Variants in ERCC4 observed in about 807,000 individuals in gnomAD.
ERCC4 encodes the protein ERCC excision repair 4, endonuclease catalytic subunit.
ERCC4 carries 65 observed loss-of-function variants against 76.9 expected under a neutral mutation model. The ratio of observed to expected loss-of-function variants is 0.84; its 90% CI spans 0.69 to 1.04. ERCC4 has a LOEUF of 1.04. Ranked by LOEUF, ERCC4 falls within the 50% of genes least tolerant of loss-of-function variation. The pLI, the probability that ERCC4 is intolerant of heterozygous loss-of-function variation, is 0.00. For synonymous variants in ERCC4, 463 were observed against 410.1 expected, an observed-to-expected ratio of 1.13 and a Z score of -1.56; for missense variants, 1,214 against 1,128.2, an observed-to-expected ratio of 1.08 and a Z score of -1.09.
intron 10 of ERCC4, among the ~76,000 whole-genome samples, chr16:13,947,336 A>G (rs1234147064): frequency 1.3e-5 from 2 of 152,218 alleles, no homozygotes; most frequent in Non-Finnish European, 2.9e-5. Context: ...GAAACTACAG[A>G]GGGGAGACCT....
chr16:13,937,086 A>ATTTTT (rs71150154), intron 8 of ERCC4, among the ~76,000 whole-genome samples: 2 of 128,708 alleles, frequency 1.6e-5, no homozygotes, highest in Non-Finnish European at 3.3e-5. Context: ...TGCTCAACTA[A>ATTTTT]TTTTTTTTTT....
chr16:13,920,662 A>T (rs2031955511), intron 1 of ERCC4, among the ~76,000 whole-genome samples: 1 of 152,090 alleles, frequency 6.6e-6, no homozygotes, highest in African/African-American at 2.4e-5. Flanking sequence ...GGTCCCTGGC[A>T]GGAGTTGAAG....
chr16:13,942,233 C>A (rs921370799), intron 9 of ERCC4, among the ~76,000 whole-genome samples: 1 of 152,176 alleles, frequency 6.6e-6, no homozygotes, highest in Non-Finnish European at 1.5e-5. Context: ...AAGAGACTGG[C>A]TGTTTATAAT....
chr16:13,934,859 A>C, intron 7 of ERCC4: 1 of 329,990 alleles, frequency 3.0e-6, no homozygotes, highest in Non-Finnish European at 5.6e-6. Context: ...TCTGGAAAAA[A>C]ATATTAATTA....
At chr16:13,924,549 C>T (rs762649371) in intron 2 of ERCC4, among the ~76,000 whole-genome samples, 1 of 152,150 alleles carries the variant, frequency 6.6e-6, no homozygotes, top group African/African-American at 2.4e-5. Flanking sequence ...TGAAGATAGA[C>T]AGATGAATGG....
intron 8 of ERCC4, 106 bp from the exon 9 acceptor site, chr16:13,937,660 T>G: frequency 2.7e-6 from 2 of 752,090 alleles, no homozygotes; most frequent in Non-Finnish European, 4.8e-6. Flanking sequence ...TAGTCAAATA[T>G]TTGTTATTTG....
intron 6 of ERCC4, 84 bp from the exon 7 acceptor site, chr16:13,934,108 T>C: frequency 2.4e-6 from 2 of 818,794 alleles, no homozygotes; most frequent in Non-Finnish European, 4.1e-6. Context: ...CTGATGCTCG[T>C]GTTATCTGTT....
chr16:13,924,126 C>T (rs1237155613), intron 2 of ERCC4, among the ~76,000 whole-genome samples: 1 of 152,136 alleles, frequency 6.6e-6, no homozygotes, highest in Non-Finnish European at 1.5e-5. Context: ...CTTTTGAATT[C>T]TTTCATCCCC....
chr16:13,926,706 G>T lies in ERCC4; in HGVS notation c.534G>T (p.Val178=), dbSNP rs957009045. ...CCTTTGATACTGGTTTTTGTCATGT[G>T]GAAAGAGTGATGAGAAATCTTTTTG... ...AVAFDTGFCH[V]ERVMRNLFVR... Residue 178 remains valine (V), a synonymous_variant, in exon 3 of 11, where the codon GTG becomes GTT. Transcript: ENST00000311895. 6.2e-7 allele frequency: 1 copy of T among 1,614,074 alleles called. No individual in the cohort carries two copies. Among genetic ancestry groups the T allele is most frequent in the African/African-American group, 1.3e-5 (1 of 75,026 alleles).
At chr16:13,940,778 T>G (rs1342267613) in intron 9 of ERCC4, among the ~76,000 whole-genome samples, 1 of 152,170 alleles carries the variant, frequency 6.6e-6, no homozygotes, top group Admixed American at 6.6e-5. Context: ...GGGAGAATAC[T>G]CCAGGGGCTC....
intron 9 of ERCC4, chr16:13,944,005 G>A (rs2032468620): frequency 6.6e-6 from 1 of 152,406 alleles, no homozygotes; most frequent in Admixed American, 6.5e-5. Flanking sequence ...CCACCTTGAA[G>A]ACAGGAATTC....
At position 13,947,608 on chromosome 16, in the gene ERCC4, C is replaced by A; in HGVS notation, c.2018-6C>A. On this transcript the variant is annotated splice_region_variant and splice_polypyrimidine_tract_variant and intron_variant, in intron 10 of 10. Coordinates refer to ENST00000311895, the MANE Select transcript of ERCC4 (RefSeq NM_005236.3). ...CCCAGTGACATTACTTACTTTTTCT[C>A]TGTAGGTGGCCAGGAACAGAATGGT... 1 of 1,614,078 alleles carries A rather than the reference C, an allele frequency of 6.2e-7. No individual in the cohort carries two copies. Among genetic ancestry groups the A allele is most frequent in the South Asian group, 1.1e-5 (1 of 91,070 alleles).
chr16:13,949,825 T>C lies in ERCC4; in HGVS notation c.*1478T>C, dbSNP rs754423213. 77 of 232,480 alleles carry C rather than the reference T, an allele frequency of 3.3e-4. No individual in the cohort carries two copies. The highest frequency in any genetic ancestry group is 2.6e-3 in the Middle Eastern group (2 of 778). The allele number at this position is 232,480 out of a possible 1,614,324, so 14.4% of individuals were successfully genotyped here. ...AAATTTTCTACCTCAGGAGCTGATA[T>C]AGACATCAGTTCTGCTAGCCATATC... On this transcript the variant is annotated 3_prime_UTR_variant, in exon 11 of 11. Transcript: ENST00000311895.
In ERCC4 at chr16:13,951,288, G is replaced by A. The variant is rs545171920; in HGVS notation, c.*2941G>A. 1.1e-5 allele frequency: 2 copies of A among 190,296 alleles called. No homozygotes were observed. Among genetic ancestry groups the A allele is most frequent in the Non-Finnish European group, 2.2e-5 (2 of 90,726 alleles). 11.8% of individuals were successfully genotyped at this position (190,296 alleles called of 1,614,324 possible). A position where few individuals can be genotyped will look rare whatever the true frequency, so the allele number is the denominator to read the frequency against. ...TTTTTTTCTCTCTAGTAAATATCCA[G>A]TGTACTTATGAACTCATGTTTGGCT... On this transcript the variant is annotated 3_prime_UTR_variant, in exon 11 of 11. Coordinates refer to ENST00000311895, the MANE Select transcript of ERCC4 (RefSeq NM_005236.3).
chr16:13,928,783 G>A (rs1383573543), intron 4 of ERCC4, among the ~76,000 whole-genome samples: 1 of 151,902 alleles, frequency 6.6e-6, no homozygotes, highest in Non-Finnish European at 1.5e-5. Flanking sequence ...TTTCATTATA[G>A]ATTAATATTA....
At chr16:13,931,372 A>T (rs1404273435) in intron 5 of ERCC4, 1 of 165,628 alleles carries the variant, frequency 6.0e-6, no homozygotes, top group Non-Finnish European at 1.3e-5. Flanking sequence ...GTTTGACCAG[A>T]CCAGCGGTTT....
Position 13,950,520 on chromosome 16 carries a change from T to A in ERCC4, c.*2173T>A, listed in dbSNP as rs1267217551. ...GCTAATTTTTTCCCAGGATTCAAAA[T>A]ATACCCGCTAGAATGGAAAACAAAA... On this transcript the variant is annotated 3_prime_UTR_variant, in exon 11 of 11. Transcript: ENST00000311895. 1 of 192,794 alleles carries A rather than the reference T, an allele frequency of 5.2e-6. No individual in the cohort carries two copies. The highest frequency in any genetic ancestry group is 6.1e-5 in the Admixed American group (1 of 16,362). 11.9% of individuals were successfully genotyped at this position (192,794 alleles called of 1,614,324 possible). A position where few individuals can be genotyped will look rare whatever the true frequency, so the allele number is the denominator to read the frequency against.
At chr16:13,926,907 A>T in intron 3 of ERCC4, 151 bp downstream of exon 3, 1 of 661,050 alleles carries the variant, frequency 1.5e-6, no homozygotes, top group East Asian at 2.7e-5. Flanking sequence ...TAACAAACAC[A>T]TCCAGCTATA....
chr16:13,935,836 C>A, intron 8 of ERCC4, 93 bp downstream of exon 8: 1 of 955,060 alleles, frequency 1.0e-6, no homozygotes, highest in Non-Finnish European at 1.7e-6. Flanking sequence ...TCTTTAATAT[C>A]CGTTACGATG....
Sources: gnomAD v4.1 joint callset for allele counts (sites outside exome capture counted in the v4.1 genomes callset) on GRCh38, gnomAD v4.1.1 for gene constraint, MANE v1.5 for transcripts, NCBI Gene and HGNC (gene_info 2026-07-23, HGNC 2026-07-21) for gene names.